The following DISC1 variants were observed in gnomAD, a reference collection of about 807,000 sequenced individuals.
The protein encoded by DISC1 is DISC1 scaffold protein.
Under a neutral mutation model 84.5 loss-of-function variants are expected in DISC1, and 57 were observed. The observed-to-expected ratio is 0.67, with a 90% CI of 0.55 to 0.84. The LOEUF (loss-of-function observed/expected upper bound fraction) is 0.84. Ranked by LOEUF, DISC1 falls within the 40% of genes least tolerant of loss-of-function variation. DISC1 has a pLI of 0.00. For missense variants in DISC1, 1,000 were observed against 1,057.8 expected (o/e 0.95, Z 0.76); for synonymous variants, 411 against 415.2 (o/e 0.99, Z 0.12).
chr1:231,632,336 G>A (rs1366092849), intron 1 of DISC1, among the ~76,000 whole-genome samples: 1 of 152,134 alleles, frequency 6.6e-6, no homozygotes, highest in African/African-American at 2.4e-5. Flanking sequence ...TTCCAGCCAC[G>A]TGGCCTTGTG....
chr1:231,970,299 G>C (rs962953680), intron 10 of DISC1, among the ~76,000 whole-genome samples: 3 of 152,172 alleles, frequency 2.0e-5, no homozygotes, highest in African/African-American at 7.2e-5. Context: ...ATTCTAACTG[G>C]TATGAGATGG....
rs143620849 is a variant in DISC1 at position 231,944,674 on chromosome 1, C to T, written c.1982-14154C>T. ...TCACTTTCCTTCCACATACCCTTAA[C>T]GCAGCAAGCCCCCTGCACCCTCAGG... On this transcript the variant is annotated intron_variant, in intron 9 of 12. Transcript: ENST00000439617. 4.0e-3 allele frequency among the ~76,000 whole-genome samples: 606 copies of T among 152,274 alleles called. 5 individuals carry two copies. The highest frequency in any genetic ancestry group is 0.013 in the African/African-American group (526 of 41,546).
intron 9 of DISC1, among the ~76,000 whole-genome samples, chr1:231,885,512 G>A (rs894564548): frequency 3.0e-4 from 45 of 152,168 alleles, no homozygotes; most frequent in African/African-American, 1.0e-3. Flanking sequence ...GATGTAGCCT[G>A]TTCGAAGCAA....
chr1:231,876,696 C>T (rs139867555), intron 9 of DISC1, among the ~76,000 whole-genome samples: 1 of 152,184 alleles, frequency 6.6e-6, no homozygotes, highest in Non-Finnish European at 1.5e-5. Flanking sequence ...TTCAGTGCTG[C>T]AAATGAGTTT....
At chr1:231,814,904 G>A (rs1430923897) in intron 8 of DISC1, 3 of 150,678 alleles carry the variant, frequency 2.0e-5, no homozygotes, top group Non-Finnish European at 4.4e-5. Flanking sequence ...GTGATTGTAG[G>A]ACACATCCCT....
chr1:231,986,504 A>T (rs74635235), intron 10 of DISC1, among the ~76,000 whole-genome samples: 2,810 of 152,304 alleles, frequency 0.018, 59 homozygotes, highest in East Asian at 0.099. Flanking sequence ...TGTTTTCTTT[A>T]GAATGAGCCG....
intron 9 of DISC1, among the ~76,000 whole-genome samples, chr1:231,934,474 G>A (rs1260518684): frequency 6.6e-6 from 1 of 152,152 alleles, no homozygotes; most frequent in Non-Finnish European, 1.5e-5. Context: ...CGGTTTAGTG[G>A]ACACAACATA....
intron 3 of DISC1, among the ~76,000 whole-genome samples, chr1:231,724,674 A>G (rs897148788): frequency 5.3e-5 from 8 of 152,186 alleles, no homozygotes; most frequent in East Asian, 1.9e-4. Context: ...GCAGTCTTCA[A>G]TAGGAGACCT....
intron 10 of DISC1, among the ~76,000 whole-genome samples, chr1:231,988,042 C>A (rs186916114): frequency 6.6e-6 from 1 of 151,976 alleles, no homozygotes; most frequent in African/African-American, 2.4e-5. Flanking sequence ...CAAAATTAGC[C>A]GGGTGTGGTG....
chr1:231,974,671 A>G (rs534598567), intron 10 of DISC1, among the ~76,000 whole-genome samples: 2 of 152,336 alleles, frequency 1.3e-5, no homozygotes, highest in Admixed American at 6.5e-5. Flanking sequence ...AATTTTGTCA[A>G]CTTTATGATT....
chr1:232,019,762 A>C (rs188948618), intron 11 of DISC1, among the ~76,000 whole-genome samples: 1 of 152,280 alleles, frequency 6.6e-6, no homozygotes, highest in African/African-American at 2.4e-5. Flanking sequence ...CGCCTTTCCC[A>C]TGTGCCCGCT....
chr1:231,713,794 G>GAT (rs961761839), intron 3 of DISC1, among the ~76,000 whole-genome samples: 73 of 134,956 alleles, frequency 5.4e-4, no homozygotes, highest in South Asian at 2.3e-3. Flanking sequence ...ATATATAGGA[G>GAT]ATATATATAT....
At chr1:231,906,614 G>T (rs2088664241) in intron 9 of DISC1, among the ~76,000 whole-genome samples, 1 of 152,208 alleles carries the variant, frequency 6.6e-6, no homozygotes, top group African/African-American at 2.4e-5. Context: ...GATATTTACA[G>T]CTGGGTGATT....
intron 9 of DISC1, among the ~76,000 whole-genome samples, chr1:231,819,795 A>T (rs1307400431): frequency 6.6e-6 from 1 of 152,152 alleles, no homozygotes; most frequent in Admixed American, 6.5e-5. Flanking sequence ...GGAATTTCTC[A>T]TGTTTTCACC....
intron 1 of DISC1, among the ~76,000 whole-genome samples, chr1:231,692,330 T>C (rs16854785): frequency 0.1 from 15,484 of 152,232 alleles, 1,725 homozygotes; most frequent in African/African-American, 0.28. Flanking sequence ...AATAGCCCTT[T>C]TGGAGCTCCC....
In DISC1 at chr1:231,725,719, T is replaced by A. The variant is rs544223212; in HGVS notation, c.1117+23695T>A. On this transcript the variant is annotated intron_variant, in intron 3 of 12. Transcript: ENST00000439617. ...AACCTTCCTGGGATAAGCCCCAGTT[T>A]GGGGGCTTGCCTGTCCTGCATTGTT... 5.5e-4 allele frequency among the ~76,000 whole-genome samples: 84 copies of A among 152,324 alleles called. 1 individual carries two copies. The highest frequency in any genetic ancestry group is 1.8e-3 in the African/African-American group (74 of 41,574).
chr1:231,686,387 G>A (rs867739219), intron 1 of DISC1, among the ~76,000 whole-genome samples: 1 of 152,208 alleles, frequency 6.6e-6, no homozygotes, highest in Non-Finnish European at 1.5e-5. Context: ...CCAAACCCCA[G>A]TTCTTGACTT....
intron 6 of DISC1, among the ~76,000 whole-genome samples, chr1:231,779,906 A>G (rs1275984653): frequency 5.9e-5 from 9 of 152,014 alleles, no homozygotes; most frequent in Non-Finnish European, 1.3e-4. Context: ...TCCCTCCCTT[A>G]AAGTGCCTGC....
At chr1:231,779,699 A>G (rs1347312280) in intron 6 of DISC1, among the ~76,000 whole-genome samples, 1 of 151,848 alleles carries the variant, frequency 6.6e-6, no homozygotes, top group African/African-American at 2.4e-5. Flanking sequence ...AGCTGGGACT[A>G]CAGGCACCGG....
Sources: allele counts gnomAD v4.1 joint callset (sites outside exome capture counted in the v4.1 genomes callset), GRCh38; gene constraint gnomAD v4.1.1; transcripts MANE v1.5; gene names NCBI Gene and HGNC (gene_info 2026-07-23, HGNC 2026-07-21).